Variants in ATRN observed in about 807,000 individuals in gnomAD.
The protein encoded by ATRN is attractin.
ATRN carries 54 observed loss-of-function variants against 178.7 expected under a neutral mutation model. The observed-to-expected ratio is 0.30, with a 90% CI of 0.24 to 0.38. ATRN has a LOEUF of 0.38. Ranked by LOEUF, ATRN falls within the 10% of genes least tolerant of loss-of-function variation. The probability of loss-of-function intolerance (pLI) is 1.00; values close to 1 mark genes in which losing one functional copy is unlikely to be tolerated. For missense variants in ATRN, 1,443 were observed against 1,815.1 expected, an observed-to-expected ratio of 0.79 and a Z score of 3.73; for synonymous variants, 636 against 663.0, an observed-to-expected ratio of 0.96 and a Z score of 0.63.
chr20:3,560,609 C>T (rs552327085), intron 7 of ATRN, 53 bp from the exon 8 acceptor site: 86 of 1,425,740 alleles, frequency 6.0e-5, no homozygotes, highest in Non-Finnish European at 7.6e-5. Flanking sequence ...TCTCTGTTCT[C>T]AGATTTAATC....
chr20:3,646,357 T>C (rs1019542109), intron 28 of ATRN, among the ~76,000 whole-genome samples: 5 of 152,176 alleles, frequency 3.3e-5, no homozygotes, highest in Non-Finnish European at 5.9e-5. Context: ...CAATCTCATT[T>C]ATATGTTCCC....
chr20:3,617,690 T>C (rs893903152), intron 24 of ATRN, among the ~76,000 whole-genome samples: 1 of 151,866 alleles, frequency 6.6e-6, no homozygotes, highest in Non-Finnish European at 1.5e-5. Context: ...ATGAAAAGAA[T>C]AATACAGGTG....
intron 8 of ATRN, among the ~76,000 whole-genome samples, chr20:3,561,472 A>G (rs1282583256): frequency 2.6e-5 from 4 of 152,248 alleles, no homozygotes; most frequent in Non-Finnish European, 5.9e-5. Context: ...TGCTTTGGGT[A>G]TTTAAAATAA....
chr20:3,586,767 A>G (rs1309699979), intron 18 of ATRN, among the ~76,000 whole-genome samples: 2 of 152,222 alleles, frequency 1.3e-5, no homozygotes, highest in Non-Finnish European at 2.9e-5. Context: ...CAGAAAGTAG[A>G]TGTTTAGTGG....
chr20:3,511,170 A>G (rs1274942117), intron 1 of ATRN, among the ~76,000 whole-genome samples: 1 of 152,206 alleles, frequency 6.6e-6, no homozygotes, highest in African/African-American at 2.4e-5. Flanking sequence ...GTGAATATCT[A>G]AGTTTTCAAC....
chr20:3,624,213 C>T lies in ATRN; in HGVS notation c.3802-298C>T, dbSNP rs116499643. Among the ~76,000 whole-genome samples, 858 of 152,202 alleles carry T rather than the reference C, an allele frequency of 5.6e-3. 9 individuals carry two copies. Among genetic ancestry groups the T allele is most frequent in the African/African-American group, 0.019 (793 of 41,526 alleles). ...TGTGGGTGGAGGCGCAGGGAGGGAG[C>T]GCCAGGCTTCATGGAGGCATGCGAG... On this transcript the variant is annotated intron_variant, in intron 24 of 28. Coordinates refer to ENST00000262919, the MANE Select transcript of ATRN (RefSeq NM_139321.3).
At chr20:3,536,151 C>A (rs963124100) in intron 2 of ATRN, among the ~76,000 whole-genome samples, 7 of 151,980 alleles carry the variant, frequency 4.6e-5, no homozygotes, top group African/African-American at 1.7e-4. Context: ...CTTTTTTGGT[C>A]TCAGGACCTC....
intron 6 of ATRN, among the ~76,000 whole-genome samples, chr20:3,558,529 C>T (rs1264332065): frequency 1.1e-5 from 1 of 91,132 alleles, no homozygotes; most frequent in African/African-American, 3.8e-5. Context: ...ATAACAATAT[C>T]ATTTCTTTTT....
At chr20:3,561,309 T>G (rs1320969919) in intron 8 of ATRN, among the ~76,000 whole-genome samples, 1 of 151,922 alleles carries the variant, frequency 6.6e-6, no homozygotes, top group East Asian at 1.9e-4. Context: ...GGGGACAGAG[T>G]GAGACTCCGT....
chr20:3,512,107 A>ATATTTTTTTTTTTTTTTTTTTTT, intron 1 of ATRN, among the ~76,000 whole-genome samples: 1 of 106,394 alleles, frequency 9.4e-6, no homozygotes, highest in African/African-American at 4.4e-5. Context: ...ATATATATAT[A>ATATTTTTTTTTTTTTTTTTTTTT]TTTTTTTTTT....
At chr20:3,496,464 G>C (rs1339312987) in intron 1 of ATRN, among the ~76,000 whole-genome samples, 1 of 152,134 alleles carries the variant, frequency 6.6e-6, no homozygotes, top group Non-Finnish European at 1.5e-5. Context: ...GAGCAGTTTT[G>C]AGTGAGAGTC....
intron 25 of ATRN, among the ~76,000 whole-genome samples, chr20:3,628,124 A>T: frequency 6.6e-6 from 1 of 152,220 alleles, no homozygotes; most frequent in East Asian, 1.9e-4. Context: ...GTGAGCCGAG[A>T]TCGCGCCACT....
chr20:3,598,220 A>C (rs1331756666), intron 22 of ATRN, among the ~76,000 whole-genome samples: 1 of 152,208 alleles, frequency 6.6e-6, no homozygotes, highest in African/African-American at 2.4e-5. Flanking sequence ...TTAGACACAG[A>C]CTGACATTGA....
chr20:3,486,020 G>C (rs2084689339), intron 1 of ATRN, among the ~76,000 whole-genome samples: 1 of 152,012 alleles, frequency 6.6e-6, no homozygotes, highest in Admixed American at 6.5e-5. Context: ...CATATAGCTG[G>C]GTCTGGAATT....
chr20:3,639,638 C>A (rs921673582), intron 27 of ATRN, among the ~76,000 whole-genome samples: 7 of 152,032 alleles, frequency 4.6e-5, no homozygotes, highest in Non-Finnish European at 1.0e-4. Context: ...ATATTTATCA[C>A]CCCCCTCCCC....
At chr20:3,492,831 A>G (rs867423394) in intron 1 of ATRN, among the ~76,000 whole-genome samples, 4 of 145,292 alleles carry the variant, frequency 2.8e-5, no homozygotes, top group Non-Finnish European at 1.5e-5. Flanking sequence ...AGAGAAATAG[A>G]AAGGGAGAGA....
At chr20:3,519,534 CT>C (rs2085259246) in intron 1 of ATRN, among the ~76,000 whole-genome samples, 1 of 152,008 alleles carries the variant, frequency 6.6e-6, no homozygotes. Flanking sequence ...AGCAAAGAAA[CT>C]TGGAGGAGAA....
intron 15 of ATRN, among the ~76,000 whole-genome samples, chr20:3,580,062 A>C (rs1405940617): frequency 2.0e-5 from 3 of 152,156 alleles, no homozygotes; most frequent in African/African-American, 7.2e-5. Context: ...GTATTTCATA[A>C]TATTTTGATA....
intron 2 of ATRN, among the ~76,000 whole-genome samples, chr20:3,535,665 CTT>C (rs1454848078): frequency 1.3e-5 from 2 of 151,554 alleles, no homozygotes; most frequent in Non-Finnish European, 2.9e-5. Context: ...GAGTTTTGCT[CTT>C]GTCACCCAGG....
Sources: allele counts gnomAD v4.1 joint callset (sites outside exome capture counted in the v4.1 genomes callset), GRCh38; gene constraint gnomAD v4.1.1; transcripts MANE v1.5; gene names NCBI Gene and HGNC (gene_info 2026-07-23, HGNC 2026-07-21).